MBNL3: variants seen among roughly 807,000 people sequenced by gnomAD.
MBNL3 encodes the protein muscleblind like splicing regulator 3.
In MBNL3, 6 loss-of-function variants were observed where a neutral mutation model predicts 24.5. The observed-to-expected ratio is 0.25, with a 90% confidence interval of 0.13 to 0.48. The LOEUF (loss-of-function observed/expected upper bound fraction) is 0.48. MBNL3 is among the 20% of genes least tolerant of loss of function. The probability of loss-of-function intolerance (pLI) is 0.99; values close to 1 mark genes in which losing one functional copy is unlikely to be tolerated. For missense variants in MBNL3, 230 were observed against 293.5 expected, an observed-to-expected ratio of 0.78 and a Z score of 1.58; for synonymous variants, 100 against 101.7, an observed-to-expected ratio of 0.98 and a Z score of 0.10.
rs1439329334 is a variant in MBNL3, at chrX:132,370,279, T to TA, written c.*9386_*9387insT. On this transcript the variant is annotated 3_prime_UTR_variant, in exon 9 of 9. Transcript: ENST00000370853. ...GAATTATAATCATACCTCAGGCCTG[T>TA]CATTGTATCATGCCCTCTACAGATG... The TA allele has an allele frequency of 8.9e-6, 1 of 112,078 alleles. No homozygotes were observed. The highest frequency in any genetic ancestry group is 2.8e-4 in the East Asian group (1 of 3,575). 9.2% of individuals were successfully genotyped at this position (112,078 alleles called of 1,213,427 possible). A position where few individuals can be genotyped will look rare whatever the true frequency, so the allele number is the denominator to read the frequency against.
intron 3 of MBNL3, among the ~76,000 whole-genome samples, chrX:132,395,768 C>T (rs1375151413): frequency 3.6e-5 from 4 of 111,382 alleles, no homozygotes; most frequent in Admixed American, 2.9e-4. Flanking sequence ...CAGGACTTCT[C>T]CAAGAGTCAG....
intron 1 of MBNL3, among the ~76,000 whole-genome samples, chrX:132,443,759 C>T (rs1264655131): frequency 3.6e-5 from 4 of 111,558 alleles, no homozygotes; most frequent in Non-Finnish European, 7.5e-5. Flanking sequence ...CTTAAACGCA[C>T]ACTCAAACAC....
rs368685290 is a variant in MBNL3 at position 132,381,277 on chromosome X, G to A, written c.1053+901C>T. The A allele has an allele frequency of 1.8e-4, 94 of 522,524 alleles. No individual in the cohort carries two copies. In the African/African-American group the frequency reaches 2.0e-3, roughly 11 times the overall value. 43.1% of individuals were successfully genotyped at this position (522,524 alleles called of 1,213,427 possible). A position where few individuals can be genotyped will look rare whatever the true frequency, so the allele number is the denominator to read the frequency against. On this transcript the variant is annotated intron_variant, in intron 8 of 8. Coordinates refer to ENST00000370853, the MANE Select transcript of MBNL3 (RefSeq NM_001386889.1). ...AATGTCTATGAATGAAAATATTTAC[G>A]AAAGCCTTTTAGAAGTGCAATTGTG...
In MBNL3 at chrX:132,395,490, C is replaced by T. The variant is rs1006723969; in HGVS notation, c.343-3156G>A. 2.0e-4 allele frequency among the ~76,000 whole-genome samples: 22 copies of T among 111,765 alleles called. No homozygotes were observed. The South Asian group carries it at 3.4e-3, about 17-fold the overall frequency. ...TATTTACTAAATACTTGAAAAGAGA[C>T]GGCTGTCCCTCCCATAACCAGGTGT... On this transcript the variant is annotated intron_variant, in intron 3 of 8. Coordinates refer to ENST00000370853, the MANE Select transcript of MBNL3 (RefSeq NM_001386889.1).
intron 1 of MBNL3, among the ~76,000 whole-genome samples, chrX:132,464,070 A>T (rs961479834): frequency 9.8e-5 from 11 of 112,595 alleles, no homozygotes; most frequent in Non-Finnish European, 1.7e-4. Flanking sequence ...AATCAGTAGA[A>T]ATGTGAAATA....
intron 2 of MBNL3, among the ~76,000 whole-genome samples, chrX:132,421,901 G>A (rs1569445422): frequency 9.0e-6 from 1 of 110,736 alleles, no homozygotes; most frequent in Admixed American, 9.6e-5. Flanking sequence ...CCAAATAAGA[G>A]ACTATAAAAG....
chrX:132,434,859 T>C (rs1216746366), intron 2 of MBNL3, among the ~76,000 whole-genome samples: 1 of 111,069 alleles, frequency 9.0e-6, no homozygotes, highest in African/African-American at 3.3e-5. Flanking sequence ...AGGAAGAAAA[T>C]TGGTGACATT....
chrX:132,415,305 T>C (rs1460363446), intron 2 of MBNL3, among the ~76,000 whole-genome samples: 1 of 112,098 alleles, frequency 8.9e-6, no homozygotes, highest in African/African-American at 3.2e-5. Context: ...AAATTTCCTG[T>C]CTCTAAGTAA....
At chrX:132,423,809 T>C (rs889221069) in intron 2 of MBNL3, among the ~76,000 whole-genome samples, 1 of 111,825 alleles carries the variant, frequency 8.9e-6, no homozygotes, top group Non-Finnish European at 1.9e-5. Flanking sequence ...AGGCCCCCAG[T>C]TAACCATACT....
chrX:132,452,089 C>G (rs181104745), intron 1 of MBNL3, among the ~76,000 whole-genome samples: 1 of 111,537 alleles, frequency 9.0e-6, no homozygotes, highest in Non-Finnish European at 1.9e-5. Context: ...TCGCTGGGAG[C>G]TGCAGTCCAA....
At chrX:132,479,283 C>T (rs1239140932) in intron 1 of MBNL3, among the ~76,000 whole-genome samples, 1 of 111,928 alleles carries the variant, frequency 8.9e-6, no homozygotes. Flanking sequence ...CCCATACATA[C>T]ATACATACAG....
At chrX:132,418,390 C>T (rs960509840) in intron 2 of MBNL3, among the ~76,000 whole-genome samples, 4 of 111,589 alleles carry the variant, frequency 3.6e-5, no homozygotes, top group Non-Finnish European at 7.5e-5. Context: ...ATTGAGGAAA[C>T]GGGGGCACTG....
Position 132,386,668 on chromosome X carries a change from G to T in MBNL3, c.915C>A (p.Ile305=), listed in dbSNP as rs1401824935. 4 of 1,208,520 alleles carry T rather than the reference G, an allele frequency of 3.3e-6. No individual in the cohort carries two copies. The South Asian group carries it at 7.0e-5, about 21-fold the overall frequency. The part of the protein sequence containing the change: ...TNLQLPQPAF[I]PAGPILCMAP... ...CTAGAGCTGTGTTCTCACCTGCAGG[G>T]ATAAATGCCGGCTGTGGGAGCTGCA... The change falls in exon 6 of 9, where the codon ATC becomes ATA. Residue 305 remains isoleucine, a synonymous_variant. Coordinates refer to ENST00000370853, the MANE Select transcript of MBNL3 (RefSeq NM_001386889.1).
intron 6 of MBNL3, 55 bp downstream of exon 6, chrX:132,386,606 G>A: frequency 8.4e-7 from 1 of 1,184,698 alleles, no homozygotes; most frequent in South Asian, 1.8e-5. Flanking sequence ...GTTTTGCATT[G>A]TATACATTCA....
chrX:132,476,044 G>A (rs1947421739), intron 1 of MBNL3, among the ~76,000 whole-genome samples: 3 of 111,563 alleles, frequency 2.7e-5, no homozygotes, highest in Middle Eastern at 4.6e-3. Flanking sequence ...CTGGATGCAT[G>A]CTTCACAAGA....
chrX:132,438,224 A>G (rs1945219842), intron 2 of MBNL3, among the ~76,000 whole-genome samples: 2 of 112,374 alleles, frequency 1.8e-5, no homozygotes, highest in Non-Finnish European at 3.8e-5. Context: ...GTGTATATAA[A>G]ATGTAAATGA....
chrX:132,396,368 A>G (rs1226594201), intron 3 of MBNL3, among the ~76,000 whole-genome samples: 2 of 87,473 alleles, frequency 2.3e-5, no homozygotes, highest in East Asian at 6.7e-4. Context: ...TCCTATATAT[A>G]TTCATATATA....
chrX:132,406,389 G>A lies in MBNL3; in HGVS notation c.181C>T (p.Arg61Trp). 8.5e-7 allele frequency: 1 copy of A among 1,183,101 alleles called. No individual in the cohort carries two copies. ...TACTTGCAGTTCTCTCGGGTACACC[G>A]ACCCTGACAATGAAGAATAGGGAAA... ...VVACFDSLKG[R>W]CTRENCKYLH... is the part of the protein sequence containing the mutation. Residue 61 changes from arginine (R) to tryptophan (W), a missense_variant, in exon 3 of 9, where the codon CGG (arginine) becomes TGG (tryptophan). Transcript: ENST00000370853.
rs1368835793 is a variant in MBNL3, at chrX:132,386,740, C to T, written c.843G>A (p.Pro281=). The change falls in exon 6 of 9, where the codon CCG becomes CCA. Residue 281 remains proline, a synonymous_variant. Coordinates refer to ENST00000370853, the MANE Select transcript of MBNL3 (RefSeq NM_001386889.1). ...SALEKPNGAT[P]VFNPTVFHCQ... ...AGTGGAAAACAGTGGGATTAAAGAC[C>T]GGGGTGGCACCATTGGGCTTTTCCA... The T allele has an allele frequency of 7.4e-6, 9 of 1,208,949 alleles. No individual in the cohort carries two copies. The highest frequency in any genetic ancestry group is 3.5e-5 in the African/African-American group (2 of 56,933).
Sources: gnomAD v4.1 joint callset for allele counts (sites outside exome capture counted in the v4.1 genomes callset) on GRCh38, gnomAD v4.1.1 for gene constraint, MANE v1.5 for transcripts, NCBI Gene and HGNC (gene_info 2026-07-23, HGNC 2026-07-21) for gene names.